COG2: variants seen among roughly 807,000 people sequenced by gnomAD.
The protein encoded by COG2 is conserved oligomeric Golgi complex subunit 2.
A neutral mutation model predicts 90.6 loss-of-function variants in COG2; 52 were observed. The ratio of observed to expected loss-of-function variants is 0.57; its 90% CI spans 0.46 to 0.72. The LOEUF (loss-of-function observed/expected upper bound fraction) is 0.72. Among genes scored for constraint, COG2 ranks in the 30% least tolerant of loss-of-function variants. The pLI, the probability that COG2 is intolerant of heterozygous loss-of-function variation, is 0.00. For missense variants in COG2, 829 were observed against 891.2 expected (o/e 0.93, Z 0.89); for synonymous variants, 337 against 320.4 (o/e 1.05, Z -0.55).
At chr1:230,669,763 G>T (rs938688479) in intron 7 of COG2, 5 of 393,850 alleles carry the variant, frequency 1.3e-5, no homozygotes, top group Non-Finnish European at 2.3e-5. Flanking sequence ...GAATGCTGCG[G>T]CTCAGGCTTC....
At chr1:230,690,379 G>T in intron 16 of COG2, 1 of 441,962 alleles carries the variant, frequency 2.3e-6, no homozygotes, top group Admixed American at 4.3e-5. Flanking sequence ...CTCGGGGCCG[G>T]GCCATGTGCA....
chr1:230,671,056 A>G (rs1314766765), intron 7 of COG2: 2 of 152,132 alleles, frequency 1.3e-5, no homozygotes, highest in African/African-American at 2.4e-5. Context: ...TTATCTTGTC[A>G]TATCATTCTT....
chr1:230,650,518 G>T (rs958031269), intron 1 of COG2, among the ~76,000 whole-genome samples: 4 of 152,076 alleles, frequency 2.6e-5, no homozygotes, highest in Non-Finnish European at 5.9e-5. Flanking sequence ...AGAAATGTCT[G>T]TTCATGTCTT....
In COG2 at chr1:230,691,548, A is replaced by G. The variant is rs1663029665; in HGVS notation, c.2099A>G (p.Glu700Gly). 6.2e-7 allele frequency: 1 copy of G among 1,612,402 alleles called. No homozygotes were observed. The highest frequency in any genetic ancestry group is 1.3e-5 in the African/African-American group (1 of 74,830). The change falls in exon 17 of 18, where the codon GAG becomes GGG. Residue 700 changes from glutamate (E) to glycine (G), a missense_variant. Transcript: ENST00000366669. ...AGGCTGCAGTTGGCCCTAGATGTTG[A>G]GTACTTGGGAGAGCAGGTAACCCAT... ...KIRLQLALDV[E>G]YLGEQIQKLG...
intron 1 of COG2, among the ~76,000 whole-genome samples, chr1:230,652,470 A>G (rs7512252): frequency 0.062 from 9,445 of 152,236 alleles, 617 homozygotes; most frequent in African/African-American, 0.17. Context: ...AAGAAATCAT[A>G]TTTGCTTCCA....
chr1:230,678,074 A>G (rs915373868), intron 9 of COG2: 1 of 985,306 alleles, frequency 1.0e-6, no homozygotes, highest in Admixed American at 6.1e-5. Flanking sequence ...ATTTAGATTA[A>G]TGGTTTGATG....
At chr1:230,648,269 C>T (rs1302669412) in intron 1 of COG2, among the ~76,000 whole-genome samples, 3 of 152,298 alleles carry the variant, frequency 2.0e-5, no homozygotes, top group South Asian at 2.1e-4. Flanking sequence ...TACAGGAAAG[C>T]GGATGTAAGT....
At chr1:230,659,651 T>TTGTAAATG in intron 2 of COG2, 26 bp downstream of exon 2, 3 of 1,601,722 alleles carry the variant, frequency 1.9e-6, no homozygotes, top group Non-Finnish European at 2.6e-6. Flanking sequence ...ACGGTCCCAT[T>TTGTAAATG]TACATACATA....
intron 8 of COG2, among the ~76,000 whole-genome samples, chr1:230,673,709 T>C (rs940492297): frequency 3.3e-5 from 5 of 152,154 alleles, no homozygotes; most frequent in Admixed American, 6.5e-5. Context: ...ATGTGTGGAA[T>C]TGGATATATG....
At chr1:230,669,005 T>C (rs907117200) in intron 6 of COG2, 7 of 465,376 alleles carry the variant, frequency 1.5e-5, no homozygotes, top group African/African-American at 1.4e-4. Flanking sequence ...AAATTAATTC[T>C]GAATTTCATG....
At chr1:230,686,251 C>A (rs903672996) in intron 12 of COG2, among the ~76,000 whole-genome samples, 1 of 152,196 alleles carries the variant, frequency 6.6e-6, no homozygotes, top group African/African-American at 2.4e-5. Flanking sequence ...GCCTTTCCTC[C>A]GCTCAGAAGG....
chr1:230,685,356 G>A, intron 12 of COG2, 120 bp downstream of exon 12: 1 of 965,546 alleles, frequency 1.0e-6, no homozygotes, highest in Non-Finnish European at 1.5e-6. Flanking sequence ...GACCACAGTA[G>A]TCTGACTTCC....
chr1:230,647,930 T>C (rs1462123404), intron 1 of COG2, among the ~76,000 whole-genome samples: 1 of 152,206 alleles, frequency 6.6e-6, no homozygotes, highest in Non-Finnish European at 1.5e-5. Flanking sequence ...CTGTAGTAGA[T>C]TCTTCCAGTT....
Position 230,675,009 on chromosome 1 carries a change from A to G in COG2, c.911A>G (p.Asn304Ser), listed in dbSNP as rs753336356. The G allele has an allele frequency of 4.3e-6, 7 of 1,610,006 alleles. No individual in the cohort carries two copies. The highest frequency in any genetic ancestry group is 2.2e-5 in the East Asian group (1 of 44,752). Reference protein sequence around the residue: ...TGGAISSEKGNTVPGYDFLVN... With the variant: ...TGGAISSEKGSTVPGYDFLVN... ...CCCTTATTTTACAGTGAAAAAGGCA[A>G]TACTGTTCCTGGATATGACTTTTTG... Residue 304 changes from asparagine to serine, a missense_variant, in exon 9 of 18, where the codon AAT becomes AGT. Coordinates refer to ENST00000366669, the MANE Select transcript of COG2 (RefSeq NM_007357.3).
rs546037778 is a variant in COG2, at chr1:230,652,117, G to C, written c.73-7347G>C. ...ATAGTGTCATGTATCCACTATTACA[G>C]TATCATACAGAACAGTTTCACTGCT... On this transcript the variant is annotated intron_variant, in intron 1 of 17. Coordinates refer to ENST00000366669, the MANE Select transcript of COG2 (RefSeq NM_007357.3). Among the ~76,000 whole-genome samples, 3 of 152,284 alleles carry C rather than the reference G, an allele frequency of 2.0e-5. No individual in the cohort carries two copies. In the South Asian group the frequency reaches 6.2e-4, roughly 32 times the overall value.
At chr1:230,665,741 C>T (rs1662304238) in intron 5 of COG2, among the ~76,000 whole-genome samples, 1 of 152,168 alleles carries the variant, frequency 6.6e-6, no homozygotes. Context: ...CCTTCATCTG[C>T]GCTCATCAGA....
At chr1:230,655,732 CT>C (rs1055301473) in intron 1 of COG2, among the ~76,000 whole-genome samples, 152 of 152,244 alleles carry the variant, frequency 1.0e-3, no homozygotes, top group African/African-American at 3.4e-3. Context: ...TGGTCCTGGA[CT>C]TTTTTTGGTT....
At chr1:230,685,827 G>A (rs1007456) in intron 12 of COG2, among the ~76,000 whole-genome samples, 3,227 of 152,280 alleles carry the variant, frequency 0.021, 59 homozygotes, top group Non-Finnish European at 0.031. Flanking sequence ...GTCCTTGCTG[G>A]GACCTCGGAT....
At position 230,683,635 on chromosome 1, in the gene COG2, G is replaced by T; in HGVS notation, c.1228G>T (p.Ala410Ser). ...ALTDVLEDAP[A>S]ESPYCLLASH... ...TACAGATGTCCTGGAAGATGCCCCA[G>T]GTAACTCCCTTAAAGTGATAAGTGG... Residue 410 changes from alanine to serine, a missense_variant and splice_region_variant, in exon 11 of 18, where the codon GCT (alanine) becomes TCT (serine). By Grantham distance (99) the Ala-to-Ser change is moderately conservative. Coordinates refer to ENST00000366669, the MANE Select transcript of COG2 (RefSeq NM_007357.3). 6.2e-7 allele frequency: 1 copy of T among 1,605,466 alleles called. No individual in the cohort carries two copies.
Sources: gnomAD v4.1 joint callset for allele counts (sites outside exome capture counted in the v4.1 genomes callset) on GRCh38, gnomAD v4.1.1 for gene constraint, MANE v1.5 for transcripts, NCBI Gene and HGNC (gene_info 2026-07-23, HGNC 2026-07-21) for gene names.